ZNF683: variants seen among roughly 807,000 people sequenced by gnomAD.
The protein encoded by ZNF683 is zinc finger protein 683.
A neutral mutation model predicts 31.4 loss-of-function variants in ZNF683; 20 were observed. The observed-to-expected ratio is 0.64, with a 90% CI of 0.45 to 0.93. The LOEUF is 0.93. ZNF683 is among the 40% of genes least tolerant of loss of function. The pLI is 0.00. For missense variants in ZNF683, 621 were observed against 637.2 expected (o/e 0.97, Z 0.27); for synonymous variants, 264 against 267.6 (o/e 0.99, Z 0.13).
intron 5 of ZNF683, chr1:26,362,283 T>C: frequency 9.3e-7 from 1 of 1,076,770 alleles, no homozygotes; most frequent in South Asian, 1.3e-5. Context: ...TTGGTAACAT[T>C]GGTTATTAAT....
chr1:26,367,328 A>G (rs1008348513), intron 3 of ZNF683, among the ~76,000 whole-genome samples: 1 of 152,036 alleles, frequency 6.6e-6, no homozygotes, highest in African/African-American at 2.4e-5. Context: ...CCCAACCCCC[A>G]TGACCTTGGC....
chr1:26,361,937 A>G lies in ZNF683; in HGVS notation c.1229T>C (p.Val410Ala). The G allele has an allele frequency of 3.1e-6, 5 of 1,613,996 alleles. No individual in the cohort carries two copies. The highest frequency in any genetic ancestry group is 4.2e-6 in the Non-Finnish European group (5 of 1,179,896). Residue 410 changes from valine to alanine, a missense_variant, in exon 6 of 6, where the codon GTC becomes GCC. Coordinates refer to ENST00000349618, the MANE Select transcript of ZNF683 (RefSeq NM_001114759.3). The part of the protein sequence containing the change: ...HSGARPFQCS[V>A]CRSRFTQHIH... ...GTGCTGGGTGAAGCGACTCCGGCAG[A>G]CACTGCACTGGAAGGGCCGGGCCCC...
intron 3 of ZNF683, among the ~76,000 whole-genome samples, chr1:26,366,687 C>T (rs941317589): frequency 2.6e-5 from 4 of 152,064 alleles, no homozygotes; most frequent in East Asian, 1.9e-4. Context: ...GATGGAGTCT[C>T]GCTCAGTCGC....
chr1:26,371,154 T>C (rs78360296), intron 1 of ZNF683, among the ~76,000 whole-genome samples: 3 of 152,020 alleles, frequency 2.0e-5, no homozygotes, highest in Non-Finnish European at 4.4e-5. Flanking sequence ...ACAGGCAACA[T>C]AGAAGGATAT....
At chr1:26,362,228 G>GCA in intron 5 of ZNF683, 1 of 1,540,794 alleles carries the variant, frequency 6.5e-7, no homozygotes, top group Non-Finnish European at 8.8e-7. Context: ...CTCCATGTGT[G>GCA]ACCTTGTAAA....
intron 4 of ZNF683, 97 bp from the exon 5 acceptor site, chr1:26,363,251 C>T (rs138578402): frequency 3.0e-5 from 43 of 1,427,158 alleles, no homozygotes; most frequent in African/African-American, 2.4e-4. Context: ...TCTCCCTCCC[C>T]GTCATCTCCC....
In ZNF683 at chr1:26,365,112, G is replaced by A. The variant is rs752981140; in HGVS notation, c.434C>T (p.Ala145Val). Residue 145 changes from alanine (A) to valine (V), a missense_variant, in exon 4 of 6, where the codon GCC (alanine) becomes GTC (valine). Physicochemically the swap from Ala to Val is moderately conservative, Grantham distance 64. Transcript: ENST00000349618. Reference protein sequence around the residue: ...GKQPERAGEGAPCPAFSSHNS... With the variant: ...GKQPERAGEGVPCPAFSSHNS... ...ATGAGAGGAGAAGGCTGGGCAGGGG[G>A]CCCCCTCGCCAGCTCTTTCTGGCTG... The A allele has an allele frequency of 6.2e-7, 1 of 1,606,664 alleles. No homozygotes were observed. The highest frequency in any genetic ancestry group is 1.1e-5 in the South Asian group (1 of 89,982).
Position 26,365,211 on chromosome 1 carries a change from C to G in ZNF683, c.335G>C (p.Gly112Ala). The change falls in exon 4 of 6, where the codon GGG becomes GCG. Residue 112 changes from glycine (G) to alanine (A), a missense_variant. By Grantham distance (60) the Gly-to-Ala change is moderately conservative. Coordinates refer to ENST00000349618, the MANE Select transcript of ZNF683 (RefSeq NM_001114759.3). Reference sequence around the variant, plus strand: ...GTCATCGGTGGAGCTGGCCTGCAGCCCTGGTGGCTCGTGCTCTAAGCAGGA... The same window carrying G: ...GTCATCGGTGGAGCTGGCCTGCAGCGCTGGTGGCTCGTGCTCTAAGCAGGA... ...DALSMKHEPP[G>A]LQASSTDDKK... 1 of 1,600,494 alleles carries G rather than the reference C, an allele frequency of 6.2e-7. No homozygotes were observed. The highest frequency in any genetic ancestry group is 8.5e-7 in the Non-Finnish European group (1 of 1,174,120).
intron 3 of ZNF683, 128 bp from the exon 4 acceptor site, chr1:26,365,354 CT>C (rs2074498056): frequency 6.0e-6 from 6 of 996,890 alleles, no homozygotes; most frequent in Non-Finnish European, 8.6e-6. Flanking sequence ...TTCTGTAGTG[CT>C]GAACAATTTC....
chr1:26,366,146 C>T (rs1403760165), intron 3 of ZNF683, among the ~76,000 whole-genome samples: 2 of 151,762 alleles, frequency 1.3e-5, no homozygotes, highest in Non-Finnish European at 2.9e-5. Flanking sequence ...TGCCATTGCA[C>T]TCCAGCCTGG....
At chr1:26,364,162 A>C (rs1416268050) in intron 4 of ZNF683, among the ~76,000 whole-genome samples, 1 of 152,376 alleles carries the variant, frequency 6.6e-6, no homozygotes, top group Non-Finnish European at 1.5e-5. Context: ...AAGAAGCTTA[A>C]CTTGGAGTCC....
rs139447250 is a variant in ZNF683 at position 26,368,750 on chromosome 1, T to C, written c.-14-165A>G. ...AAAATGGGAAGGTTGGTCTAGTTGATGCGTAAGGATTCTCTCAATGTTGAC... is the reference window on the plus strand; with the variant it reads ...AAAATGGGAAGGTTGGTCTAGTTGACGCGTAAGGATTCTCTCAATGTTGAC... On this transcript the variant is annotated intron_variant, in intron 1 of 5. Coordinates refer to ENST00000349618, the MANE Select transcript of ZNF683 (RefSeq NM_001114759.3). Among the ~76,000 whole-genome samples the C allele has an allele frequency of 4.5e-3, 685 of 152,330 alleles. 5 individuals carry two copies. Among genetic ancestry groups the C allele is most frequent in the African/African-American group, 0.016 (655 of 41,586 alleles).
At chr1:26,362,900 C>T in intron 5 of ZNF683, 126 bp downstream of exon 5, 1 of 1,305,928 alleles carries the variant, frequency 7.7e-7, no homozygotes. Flanking sequence ...TCAATTTTCA[C>T]TCCCCCTTCC....
chr1:26,363,268 C>A, intron 4 of ZNF683, 114 bp from the exon 5 acceptor site: 1 of 1,322,008 alleles, frequency 7.6e-7, no homozygotes, highest in Non-Finnish European at 1.0e-6. Context: ...TCCCTCAGGG[C>A]CCATCATCCC....
At chr1:26,374,157 G>A (rs58364802), upstream of ZNF683, 1 of 1,050,370 alleles carries the variant, frequency 9.5e-7, no homozygotes, top group Admixed American at 2.8e-5. Context: ...TCCCTAAAAG[G>A]AAGAGCCCTC....
rs774855833 is a variant in ZNF683, at chr1:26,365,179, A to G, written c.367T>C (p.Phe123Leu). 3.7e-6 allele frequency: 6 copies of G among 1,609,774 alleles called. No individual in the cohort carries two copies. Among genetic ancestry groups the G allele is most frequent in the Middle Eastern group, 1.6e-4 (1 of 6,078 alleles). The change falls in exon 4 of 6, where the codon TTC (phenylalanine) becomes CTC (leucine). Residue 123 changes from phenylalanine to leucine, a missense_variant. Phe to Leu is a conservative substitution (Grantham distance 22). Coordinates refer to ENST00000349618, the MANE Select transcript of ZNF683 (RefSeq NM_001114759.3). ...LQASSTDDKK[F>L]TVKYPQNKDK... ...TTGTTCTGTGGGTACTTGACTGTGAATTTCTTGTCATCGGTGGAGCTGGCC... is the reference window on the plus strand; with the variant it reads ...TTGTTCTGTGGGTACTTGACTGTGAGTTTCTTGTCATCGGTGGAGCTGGCC...
At chr1:26,364,273 G>C (rs1218167510) in intron 4 of ZNF683, among the ~76,000 whole-genome samples, 3 of 152,164 alleles carry the variant, frequency 2.0e-5, no homozygotes, top group Non-Finnish European at 4.4e-5. Flanking sequence ...TTAGGCAAAC[G>C]CTGCCCATTA....
chr1:26,365,618 C>T (rs899638713), intron 3 of ZNF683, among the ~76,000 whole-genome samples: 1 of 152,168 alleles, frequency 6.6e-6, no homozygotes, highest in African/African-American at 2.4e-5. Flanking sequence ...TCAGTTGCAC[C>T]AGTCACATTT....
chr1:26,371,362 G>A (rs539038596), intron 1 of ZNF683, among the ~76,000 whole-genome samples: 2 of 152,246 alleles, frequency 1.3e-5, no homozygotes, highest in Admixed American at 6.5e-5. Flanking sequence ...CACTTCAGGA[G>A]ACCAAGGCAG....
Sources: allele counts gnomAD v4.1 joint callset (sites outside exome capture counted in the v4.1 genomes callset), GRCh38; gene constraint gnomAD v4.1.1; transcripts MANE v1.5; gene names NCBI Gene and HGNC (gene_info 2026-07-23, HGNC 2026-07-21).